Variants in ZNF385C observed in about 807,000 individuals in gnomAD.
ZNF385C encodes the protein CTD-2132N18.2.
In ZNF385C, 28 loss-of-function variants were observed where a neutral mutation model predicts 35.4. The ratio of observed to expected loss-of-function variants is 0.79; its 90% CI spans 0.59 to 1.08. ZNF385C has a LOEUF of 1.08. ZNF385C is among the 50% of genes least tolerant of loss of function. ZNF385C has a pLI of 0.00. For synonymous variants in ZNF385C, 248 were observed against 248.2 expected (o/e 1.00, Z 0.01); for missense variants, 605 against 595.6 (o/e 1.02, Z -0.16).
chr17:42,040,529 G>A, intron 2 of ZNF385C: 1 of 1,232,892 alleles, frequency 8.1e-7, no homozygotes, highest in Non-Finnish European at 1.0e-6. Flanking sequence ...AGCAGCAGGT[G>A]GGTGAAGGCC....
chr17:42,044,079 G>A (rs1359749298), intron 2 of ZNF385C, among the ~76,000 whole-genome samples: 2 of 150,246 alleles, frequency 1.3e-5, no homozygotes, highest in Non-Finnish European at 3.0e-5. Context: ...ACTTTGGGAG[G>A]TGGCTCACTT....
At chr17:42,051,750 G>A (rs1201355661) in intron 2 of ZNF385C, among the ~76,000 whole-genome samples, 5 of 152,066 alleles carry the variant, frequency 3.3e-5, no homozygotes, top group Non-Finnish European at 7.4e-5. Context: ...TTCTGCAAAA[G>A]GCCTAGGGTG....
chr17:42,079,202 A>T (rs1598203176), intron 1 of ZNF385C, among the ~76,000 whole-genome samples: 1 of 106,658 alleles, frequency 9.4e-6, no homozygotes, highest in East Asian at 2.3e-4. Context: ...AAAAAAAAAA[A>T]AATATATATA....
At chr17:42,079,108 A>G (rs1001014887) in intron 1 of ZNF385C, among the ~76,000 whole-genome samples, 7 of 148,620 alleles carry the variant, frequency 4.7e-5, no homozygotes, top group African/African-American at 1.7e-4. Flanking sequence ...CCTTGGAAGG[A>G]TGGAAGGACC....
In ZNF385C at chr17:42,027,685, G is replaced by A. The variant is rs782567548; in HGVS notation, c.1208C>T (p.Thr403Ile). The change falls in exon 8 of 9, where the codon ACC becomes ATC. Residue 403 changes from threonine to isoleucine, a missense_variant. Physicochemically the swap from Thr to Ile is moderately conservative, Grantham distance 89. Transcript: ENST00000692273. Reference protein sequence around the residue: ...RRHKDRLAGKTPKPSSQHSKL... With the variant: ...RRHKDRLAGKIPKPSSQHSKL... ...GCTGTGCTGGCTGGAGGGCTTGGGG[G>A]TCTTCCCGGCCAGGCGGTCTTTGTG... is the stretch of plus-strand genomic sequence containing the variant. 5 of 1,612,610 alleles carry A rather than the reference G, an allele frequency of 3.1e-6. No individual in the cohort carries two copies. The highest frequency in any genetic ancestry group is 1.3e-5 in the African/African-American group (1 of 74,788).
chr17:42,062,508 A>C, intron 2 of ZNF385C: 1 of 281,946 alleles, frequency 3.5e-6, no homozygotes, highest in Non-Finnish European at 6.6e-6. Context: ...AGGCTGGAGA[A>C]GTGCTGCTTA....
At chr17:42,079,187 C>CAAAAAAA (rs141880528) in intron 1 of ZNF385C, among the ~76,000 whole-genome samples, 1 of 114,010 alleles carries the variant, frequency 8.8e-6, no homozygotes, top group African/African-American at 3.5e-5. Context: ...CCCTGTCTCG[C>CAAAAAAA]AAAAAAAAAA....
chr17:42,072,166 TA>T (rs1355637625), intron 1 of ZNF385C, among the ~76,000 whole-genome samples: 1 of 152,110 alleles, frequency 6.6e-6, no homozygotes, highest in Admixed American at 6.5e-5. Flanking sequence ...TCAGTGTTGA[TA>T]GGGGTGGATC....
chr17:42,049,435 A>G (rs2053239472), intron 2 of ZNF385C, among the ~76,000 whole-genome samples: 1 of 152,176 alleles, frequency 6.6e-6, no homozygotes, highest in Admixed American at 6.5e-5. Context: ...AATCCCAGAG[A>G]TGGGTACAGT....
intron 1 of ZNF385C, among the ~76,000 whole-genome samples, chr17:42,072,804 C>G (rs1056560965): frequency 3.3e-5 from 5 of 152,126 alleles, no homozygotes; most frequent in Non-Finnish European, 7.4e-5. Flanking sequence ...AGAGGGGAGA[C>G]TCGGAGGCTC....
intron 1 of ZNF385C, among the ~76,000 whole-genome samples, chr17:42,069,307 T>A (rs1347257768): frequency 2.0e-5 from 3 of 151,858 alleles, no homozygotes; most frequent in Non-Finnish European, 4.4e-5. Flanking sequence ...GGCTCTGGGG[T>A]CCCATCTCCA....
intron 1 of ZNF385C, among the ~76,000 whole-genome samples, chr17:42,078,347 A>G (rs2053707171): frequency 6.6e-6 from 1 of 152,040 alleles, no homozygotes; most frequent in Non-Finnish European, 1.5e-5. Flanking sequence ...CTCCTGGTCC[A>G]GGTCCTGAGG....
Position 42,029,034 on chromosome 17 carries a change from G to A in ZNF385C, c.716C>T (p.Pro239Leu), listed in dbSNP as rs1598177719. Residue 239 changes from proline (P) to leucine (L), a missense_variant, in exon 6 of 9, where the codon CCA becomes CTA. Physicochemically the swap from Pro to Leu is moderately conservative, Grantham distance 98 (BLOSUM62 -3). Transcript: ENST00000692273. The stretch of plus-strand genomic sequence containing the variant: ...CCTGCATGTAGGGTCTGGAGTTGGT[G>A]GTGGCTGGAGTGGAGGCCCAAGAGG... ...APPLGPPLQP[P>L]PTPDPTCREP... 2 of 1,550,242 alleles carry A rather than the reference G, an allele frequency of 1.3e-6. No individual in the cohort carries two copies. Among genetic ancestry groups the A allele is most frequent in the East Asian group, 2.4e-5 (1 of 40,930 alleles).
chr17:42,039,935 G>T, intron 2 of ZNF385C: 1 of 1,231,252 alleles, frequency 8.1e-7, no homozygotes, highest in Non-Finnish European at 1.0e-6. Context: ...AAGGCGGCTA[G>T]GGCGGCGAAG....
chr17:42,041,691 C>T (rs2240011), intron 2 of ZNF385C, among the ~76,000 whole-genome samples: 109,557 of 151,994 alleles, frequency 0.72, 42,123 homozygotes, highest in South Asian at 0.85. Flanking sequence ...CACTCACTCC[C>T]AACTCCCAAC....
chr17:42,046,960 T>A (rs1310066127), intron 2 of ZNF385C, among the ~76,000 whole-genome samples: 1 of 151,612 alleles, frequency 6.6e-6, no homozygotes, highest in Admixed American at 6.6e-5. Flanking sequence ...CCTCCCGGAT[T>A]CAAGCGATTC....
intron 8 of ZNF385C, 127 bp downstream of exon 8, chr17:42,027,491 A>G (rs782588875): frequency 1.3e-4 from 106 of 816,872 alleles, no homozygotes; most frequent in Middle Eastern, 3.7e-4. Context: ...TAGCTCTGTC[A>G]CTGCCCAGCA....
At chr17:42,043,322 A>C in intron 2 of ZNF385C, 1 of 1,232,206 alleles carries the variant, frequency 8.1e-7, no homozygotes, top group African/African-American at 1.5e-5. Context: ...TAACGCTTAC[A>C]CTTCTTGTTG....
chr17:42,032,879 C>CT lies in ZNF385C; in HGVS notation c.511-1096dup, dbSNP rs376197596. ...AGGCACCTGTCACCACAACTGGCTG[C>CT]TTTTTTTTTTTTCTTCTGTATTTTA... is the stretch of plus-strand genomic sequence containing the variant. On this transcript the variant is annotated intron_variant, in intron 4 of 8. Transcript: ENST00000692273. Among the ~76,000 whole-genome samples the CT allele has an allele frequency of 5.6e-3, 810 of 145,824 alleles. 6 individuals are homozygous for CT. The highest frequency in any genetic ancestry group is 0.018 in the African/African-American group (711 of 40,058).
Sources: gnomAD v4.1 joint callset for allele counts (sites outside exome capture counted in the v4.1 genomes callset) on GRCh38, gnomAD v4.1.1 for gene constraint, MANE v1.5 for transcripts, NCBI Gene and HGNC (gene_info 2026-07-23, HGNC 2026-07-21) for gene names.